The following MINDY4 variants were observed in gnomAD, a reference collection of about 807,000 sequenced individuals.
The protein encoded by MINDY4 is MINDY lysine 48 deubiquitinase 4, also known as probable ubiquitin carboxyl-terminal hydrolase MINDY-4.
Under a neutral mutation model 87.0 loss-of-function variants are expected in MINDY4, and 68 were observed. The observed-to-expected ratio is 0.78, with a 90% confidence interval of 0.64 to 0.96. The LOEUF is 0.96. Among genes scored for constraint, MINDY4 ranks in the 40% least tolerant of loss-of-function variants. The pLI is 0.00. For missense variants in MINDY4, 919 were observed against 928.2 expected (o/e 0.99, Z 0.13); for synonymous variants, 379 against 363.2 (o/e 1.04, Z -0.50).
chr7:30,828,318 TTGTG>T (rs60396175), intron 5 of MINDY4, among the ~76,000 whole-genome samples: 32,463 of 147,846 alleles, frequency 0.22, 4,166 homozygotes, highest in East Asian at 0.5. Flanking sequence ...AGAACTCGAT[TTGTG>T]TGTGTGTGTG....
At chr7:30,886,796 T>C (rs1030439962) in intron 17 of MINDY4, among the ~76,000 whole-genome samples, 1 of 152,224 alleles carries the variant, frequency 6.6e-6, no homozygotes, top group Non-Finnish European at 1.5e-5. Context: ...TGAGAGAGTC[T>C]CCTGTTACCT....
At chr7:30,825,197 A>G (rs1329936251) in intron 5 of MINDY4, among the ~76,000 whole-genome samples, 3 of 152,268 alleles carry the variant, frequency 2.0e-5, no homozygotes, top group Admixed American at 6.5e-5. Context: ...AGGCAAGAAC[A>G]TGCTTTTAAA....
chr7:30,813,616 C>T (rs1788070042), intron 5 of MINDY4, among the ~76,000 whole-genome samples: 1 of 152,324 alleles, frequency 6.6e-6, no homozygotes, highest in Admixed American at 6.5e-5. Context: ...CCCTCACAAC[C>T]CATTTCCAGG....
chr7:30,831,831 C>T (rs1335273769), intron 6 of MINDY4, among the ~76,000 whole-genome samples: 2 of 152,152 alleles, frequency 1.3e-5, no homozygotes, highest in Admixed American at 6.5e-5. Flanking sequence ...TTTATACATA[C>T]GTACATGTAT....
Position 30,860,797 on chromosome 7 carries a change from G to A in MINDY4, c.1745+1473G>A, listed in dbSNP as rs76055815. On this transcript the variant is annotated intron_variant, in intron 13 of 17. Transcript: ENST00000265299. ...GCCAGTCTTCATGTTGTGCACAGCT[G>A]GGGGACTAGGGCTGCTTCTTCCCCC... 1.5e-3 allele frequency among the ~76,000 whole-genome samples: 233 copies of A among 152,186 alleles called. 1 individual carries two copies. Among genetic ancestry groups the A allele is most frequent in the Middle Eastern group, 0.014 (4 of 290 alleles).
chr7:30,785,757 A>G lies in MINDY4; in HGVS notation c.428A>G (p.Asn143Ser), dbSNP rs369654882. Reference sequence around the variant, plus strand: ...ATATTCCTTTTTCACAGACATGACAATCTTGATGGAGATGTACTTGGTAAT... The same window carrying G: ...ATATTCCTTTTTCACAGACATGACAGTCTTGATGGAGATGTACTTGGTAAT... ...LSETSKARHD[N>S]LDGDVLGNFV... The change falls in exon 4 of 18, where the codon AAT becomes AGT. Residue 143 changes from asparagine to serine, a missense_variant. Physicochemically the swap from Asn to Ser is conservative, Grantham distance 46. Coordinates refer to ENST00000265299, the MANE Select transcript of MINDY4 (RefSeq NM_032222.3). The G allele has an allele frequency of 4.3e-6, 7 of 1,614,038 alleles. No individual in the cohort carries two copies. The African/African-American group carries it at 9.3e-5, about 22-fold the overall frequency.
chr7:30,857,284 C>T (rs567342466), intron 12 of MINDY4, among the ~76,000 whole-genome samples: 1 of 152,254 alleles, frequency 6.6e-6, no homozygotes, highest in East Asian at 1.9e-4. Context: ...CTCCAAAAAC[C>T]CTTCCTTGAT....
Position 30,791,410 on chromosome 7 carries a change from G to C in MINDY4, c.909G>C (p.Arg303Ser), listed in dbSNP as rs1305460208. 1.2e-6 allele frequency: 2 copies of C among 1,614,152 alleles called. No homozygotes were observed. The highest frequency in any genetic ancestry group is 1.7e-6 in the Non-Finnish European group (2 of 1,180,024). The change falls in exon 5 of 18, where the codon AGG becomes AGC. Residue 303 changes from arginine (R) to serine (S), a missense_variant. By Grantham distance (110) the Arg-to-Ser change is moderately radical (BLOSUM62 -1). Coordinates refer to ENST00000265299, the MANE Select transcript of MINDY4 (RefSeq NM_032222.3). The part of the protein sequence containing the change: ...LPSKRLPPWD[R>S]ARPRDPSEDT... ...GCAAACGGCTGCCCCCATGGGACAG[G>C]GCCAGGCCGAGGGATCCCTCCGAGG...
chr7:30,809,009 A>C (rs71530529), intron 5 of MINDY4, among the ~76,000 whole-genome samples: 1 of 152,232 alleles, frequency 6.6e-6, no homozygotes, highest in East Asian at 1.9e-4. Context: ...AAAAAGAGAC[A>C]GAAAATCAAA....
intron 5 of MINDY4, among the ~76,000 whole-genome samples, chr7:30,791,837 A>G (rs889128244): frequency 1.3e-5 from 2 of 152,202 alleles, no homozygotes; most frequent in African/African-American, 4.8e-5. Context: ...TGGAAGAACA[A>G]TTGTCTTGTG....
At chr7:30,884,095 G>C (rs1376066856) in intron 17 of MINDY4, among the ~76,000 whole-genome samples, 1 of 152,126 alleles carries the variant, frequency 6.6e-6, no homozygotes, top group Non-Finnish European at 1.5e-5. Context: ...GGTTGTGACG[G>C]GGGATGCAAA....
chr7:30,874,017 G>A (rs945005222), intron 14 of MINDY4, among the ~76,000 whole-genome samples: 3 of 152,170 alleles, frequency 2.0e-5, no homozygotes, highest in Admixed American at 6.5e-5. Context: ...TTAACTGAGG[G>A]ATTTATTAAC....
intron 1 of MINDY4, among the ~76,000 whole-genome samples, chr7:30,774,127 C>G (rs1786731536): frequency 6.6e-6 from 1 of 152,238 alleles, no homozygotes; most frequent in Admixed American, 6.5e-5. Flanking sequence ...TTGCAACTCT[C>G]CAGACTGTTT....
intron 12 of MINDY4, among the ~76,000 whole-genome samples, chr7:30,855,484 C>T (rs536190326): frequency 6.6e-6 from 1 of 152,290 alleles, no homozygotes; most frequent in South Asian, 2.1e-4. Context: ...TGAAGCAGAA[C>T]GTGGAGCCAC....
In MINDY4 at chr7:30,875,510, C is replaced by A; in HGVS notation, c.1825C>A (p.Leu609Ile). 1 of 1,614,230 alleles carries A rather than the reference C, an allele frequency of 6.2e-7. No homozygotes were observed. The highest frequency in any genetic ancestry group is 1.1e-5 in the South Asian group (1 of 91,082). Residue 609 changes from leucine (L) to isoleucine (I), a missense_variant, in exon 15 of 18, where the codon CTC (leucine) becomes ATC (isoleucine). Coordinates refer to ENST00000265299, the MANE Select transcript of MINDY4 (RefSeq NM_032222.3). ...GYCTQELVNL[L>I]LTGKAVSNVF... is the part of the protein sequence containing the mutation. ...TCATCTGCAGGAACTTGTCAATCTGCTCCTGACTGGGAAAGCTGTGTCCAA... is the reference window on the plus strand; with the variant it reads ...TCATCTGCAGGAACTTGTCAATCTGATCCTGACTGGGAAAGCTGTGTCCAA...
At position 30,882,973 on chromosome 7, in the gene MINDY4, C is replaced by T. The variant is rs781669272; in HGVS notation, c.2205C>T (p.Leu735=). The T allele has an allele frequency of 1.1e-5, 18 of 1,613,944 alleles. No homozygotes were observed. The highest frequency in any genetic ancestry group is 1.1e-4 in the East Asian group (5 of 44,876). ...CAGACAACGACCTTGTCCCACCCCT[C>T]GAGCTCTGCATCAGAACCAAGTGAG... ...EDTDNDLVPP[L]ELCIRTKWKG... Residue 735 remains leucine (L), a synonymous_variant, in exon 17 of 18, where the codon CTC becomes CTT. Transcript: ENST00000265299.
At chr7:30,860,499 G>T (rs924802632) in intron 13 of MINDY4, among the ~76,000 whole-genome samples, 2 of 152,160 alleles carry the variant, frequency 1.3e-5, no homozygotes, top group Non-Finnish European at 2.9e-5. Flanking sequence ...CCAGGACTGG[G>T]TTTGCTCCTG....
chr7:30,808,449 A>AGTGT (rs997046322), intron 5 of MINDY4, among the ~76,000 whole-genome samples: 6 of 151,750 alleles, frequency 4.0e-5, no homozygotes, highest in African/African-American at 1.5e-4. Flanking sequence ...AAACTGTAAA[A>AGTGT]GTGTGTGTGT....
At chr7:30,833,654 A>G (rs889474643) in intron 6 of MINDY4, among the ~76,000 whole-genome samples, 5 of 152,198 alleles carry the variant, frequency 3.3e-5, no homozygotes, top group South Asian at 2.1e-4. Context: ...CATTAACCTA[A>G]AAGTCCACAG....
Sources: gnomAD v4.1 joint callset for allele counts (sites outside exome capture counted in the v4.1 genomes callset) on GRCh38, gnomAD v4.1.1 for gene constraint, MANE v1.5 for transcripts, NCBI Gene and HGNC (gene_info 2026-07-23, HGNC 2026-07-21) for gene names.